Variants in ABCA10 observed in about 807,000 individuals in gnomAD.
The protein encoded by ABCA10 is ATP-binding cassette sub-family A member 10.
Under a neutral mutation model 187.5 loss-of-function variants are expected in ABCA10, and 169 were observed. The ratio of observed to expected loss-of-function variants is 0.90; its 90% CI spans 0.80 to 1.02. ABCA10 has a LOEUF of 1.02. Ranked by LOEUF, ABCA10 falls within the 50% of genes least tolerant of loss-of-function variation. The pLI is 0.00. For synonymous variants in ABCA10, 574 were observed against 601.8 expected, an observed-to-expected ratio of 0.95 and a Z score of 0.68; for missense variants, 1,727 against 1,812.4, an observed-to-expected ratio of 0.95 and a Z score of 0.86.
chr17:69,154,419 A>AATT, intron 30 of ABCA10, 93 bp from the exon 31 acceptor site: 1 of 661,544 alleles, frequency 1.5e-6, no homozygotes, highest in African/African-American at 2.7e-5. Flanking sequence ...AAACAAAATG[A>AATT]CTTTTTTTTT....
intron 27 of ABCA10, among the ~76,000 whole-genome samples, chr17:69,161,256 G>T (rs1161580044): frequency 2.0e-5 from 3 of 152,090 alleles, no homozygotes; most frequent in African/African-American, 4.8e-5. Context: ...GGGCAAAGGG[G>T]AAAAGGGAAA....
At chr17:69,235,776 AAAAAAGAAAAC>A (rs1040921872) in intron 1 of ABCA10, among the ~76,000 whole-genome samples, 1 of 152,070 alleles carries the variant, frequency 6.6e-6, no homozygotes, top group African/African-American at 2.4e-5. Context: ...TGAGATTTAA[AAAAAAGAAAAC>A]AAAAAAAACA....
At chr17:69,241,249 T>C (rs2074901863) in intron 1 of ABCA10, among the ~76,000 whole-genome samples, 1 of 152,182 alleles carries the variant, frequency 6.6e-6, no homozygotes, top group Non-Finnish European at 1.5e-5. Flanking sequence ...CTTTCTCCCA[T>C]ACTCCATGTA....
Position 69,152,165 on chromosome 17 carries a change from T to C in ABCA10, c.4275A>G (p.Gln1425=). ...CTCTACCAAACTTGTTTTTCAGATG[T>C]TGAATGGAACCAATACACCTAGTTC... ...SGTLRCIGSI[Q]HLKNKFGRDY... Residue 1425 remains glutamine, a synonymous_variant, in exon 36 of 39, where the codon CAA becomes CAG. Coordinates refer to ENST00000690296, the MANE Select transcript of ABCA10 (RefSeq NM_001377321.1). 6.2e-7 allele frequency: 1 copy of C among 1,612,258 alleles called. No homozygotes were observed. The highest frequency in any genetic ancestry group is 8.5e-7 in the Non-Finnish European group (1 of 1,179,568).
chr17:69,153,604 C>T (rs147575795), intron 32 of ABCA10, 58 bp from the exon 33 acceptor site: 1 of 1,589,476 alleles, frequency 6.3e-7, no homozygotes, highest in African/African-American at 1.4e-5. Context: ...CTATCTAAAA[C>T]AACTGTAGGA....
chr17:69,194,370 A>G lies in ABCA10; in HGVS notation c.1345+15T>C. 6.3e-7 allele frequency: 1 copy of G among 1,593,242 alleles called. No homozygotes were observed. The highest frequency in any genetic ancestry group is 8.6e-7 in the Non-Finnish European group (1 of 1,164,600). ...GCTTTTTCAGCCAACTTACTTTATA[A>G]AACTGTTTTCTCACCTTCTGTAGAA... On this transcript the variant is annotated intron_variant, in intron 12 of 38. Coordinates refer to ENST00000690296, the MANE Select transcript of ABCA10 (RefSeq NM_001377321.1).
chr17:69,204,543 T>G (rs970161686), intron 9 of ABCA10, among the ~76,000 whole-genome samples: 2 of 152,214 alleles, frequency 1.3e-5, no homozygotes, highest in African/African-American at 4.8e-5. Context: ...TACCCTCTCA[T>G]GGAACCTTGT....
intron 22 of ABCA10, among the ~76,000 whole-genome samples, chr17:69,177,965 A>ATATATATAT (rs1555659730): frequency 2.4e-5 from 3 of 125,328 alleles, no homozygotes; most frequent in African/African-American, 8.6e-5. Context: ...CAAAAAAAAA[A>ATATATATAT]AAAAAAAAAT....
intron 27 of ABCA10, 40 bp from the exon 28 acceptor site, chr17:69,156,963 G>A (rs1568049505): frequency 3.2e-6 from 4 of 1,238,828 alleles, no homozygotes; most frequent in African/African-American, 1.6e-5. Context: ...GCATCACCAT[G>A]GCATTCACAC....
intron 9 of ABCA10, among the ~76,000 whole-genome samples, chr17:69,211,338 T>TACACACATC (rs2074653842): frequency 8.8e-6 from 1 of 114,144 alleles, no homozygotes; most frequent in Non-Finnish European, 1.7e-5. Flanking sequence ...TATATATATA[T>TACACACATC]ATATATATAT....
At chr17:69,216,078 T>C in intron 7 of ABCA10, 78 bp from the exon 8 acceptor site, 1 of 1,557,804 alleles carries the variant, frequency 6.4e-7, no homozygotes, top group Non-Finnish European at 8.7e-7. Flanking sequence ...ATTTCTCACA[T>C]TGTCAAAAAT....
At chr17:69,162,869 C>G (rs2074228616) in intron 27 of ABCA10, among the ~76,000 whole-genome samples, 1 of 67,804 alleles carries the variant, frequency 1.5e-5, no homozygotes, top group Non-Finnish European at 3.4e-5. Context: ...GACGGAGTCT[C>G]TCTCTGTTGC....
chr17:69,221,759 A>G, intron 5 of ABCA10, 33 bp downstream of exon 5: 1 of 1,551,014 alleles, frequency 6.4e-7, no homozygotes, highest in Non-Finnish European at 8.8e-7. Context: ...AAGAATACAG[A>G]TTTAAAATAT....
chr17:69,203,612 A>G (rs1443867577), intron 9 of ABCA10, among the ~76,000 whole-genome samples: 1 of 152,204 alleles, frequency 6.6e-6, no homozygotes, highest in Non-Finnish European at 1.5e-5. Context: ...ACAGATTAGT[A>G]TCCACCTGCT....
In ABCA10 at chr17:69,182,287, A is replaced by G; in HGVS notation, c.2635T>C (p.Tyr879His). 6.6e-7 allele frequency: 1 copy of G among 1,524,922 alleles called. No individual in the cohort carries two copies. The highest frequency in any genetic ancestry group is 8.8e-7 in the Non-Finnish European group (1 of 1,135,586). 94.5% of individuals were successfully genotyped at this position (1,524,922 alleles called of 1,614,324 possible). ...GTATTACACGCAACAGAAAATCTGT[A>G]ATCCTTGAAAAAAAGTACACAAATA... ...AIIVSGDQKDYRFSVACNTKK... is the reference protein window; with the variant it reads ...AIIVSGDQKDHRFSVACNTKK... Residue 879 changes from tyrosine (Y) to histidine (H), a missense_variant, in exon 22 of 39, where the codon TAC becomes CAC. Tyr to His is a moderately conservative substitution (Grantham distance 83). Transcript: ENST00000690296.
At chr17:69,197,840 T>C (rs1191183718) in intron 10 of ABCA10, among the ~76,000 whole-genome samples, 1 of 152,240 alleles carries the variant, frequency 6.6e-6, no homozygotes, top group African/African-American at 2.4e-5. Context: ...CTCAAACCTT[T>C]GCCATACAAT....
At chr17:69,235,837 T>C (rs1211752151) in intron 1 of ABCA10, among the ~76,000 whole-genome samples, 1 of 152,174 alleles carries the variant, frequency 6.6e-6, no homozygotes, top group East Asian at 1.9e-4. Context: ...ATGCAATACT[T>C]TTAAATAATC....
In ABCA10 at chr17:69,193,544, A is replaced by G; in HGVS notation, c.1590T>C (p.Gly530=). Residue 530 remains glycine (G), a synonymous_variant, in exon 14 of 39, where the codon GGT becomes GGC. Transcript: ENST00000690296. ...IQDIIAKKLS[G]GQKRKLTLGI... The stretch of plus-strand genomic sequence containing the variant: ...CTAGTGTTAGTTTTCTCTTCTGCCC[A>G]CCACTTAATTTTTTAGCAATAATGT... 1 of 1,613,584 alleles carries G rather than the reference A, an allele frequency of 6.2e-7. No individual in the cohort carries two copies. Among genetic ancestry groups the G allele is most frequent in the Non-Finnish European group, 8.5e-7 (1 of 1,179,700 alleles).
chr17:69,152,876 T>C (rs1055952670), intron 34 of ABCA10, among the ~76,000 whole-genome samples: 3 of 151,912 alleles, frequency 2.0e-5, no homozygotes, highest in African/African-American at 7.3e-5. Flanking sequence ...AGAATAGAAA[T>C]TGTGTTATAT....
Sources: gnomAD v4.1 joint callset for allele counts (sites outside exome capture counted in the v4.1 genomes callset) on GRCh38, gnomAD v4.1.1 for gene constraint, MANE v1.5 for transcripts, NCBI Gene and HGNC (gene_info 2026-07-23, HGNC 2026-07-21) for gene names.